The following DCAF6 variants were observed in gnomAD, a reference collection of about 807,000 sequenced individuals.
DCAF6 encodes the protein DDB1- and CUL4-associated factor 6.
Under a neutral mutation model 125.1 loss-of-function variants are expected in DCAF6, and 54 were observed. The ratio of observed to expected loss-of-function variants is 0.43; its 90% confidence interval spans 0.35 to 0.54. The LOEUF (loss-of-function observed/expected upper bound fraction) is 0.54. Among genes scored for constraint, DCAF6 ranks in the 20% least tolerant of loss-of-function variants. The pLI, the probability that DCAF6 is intolerant of heterozygous loss-of-function variation, is 0.01. For missense variants in DCAF6, 934 were observed against 1,161.7 expected, an observed-to-expected ratio of 0.80 and a Z score of 2.85; for synonymous variants, 371 against 390.4, an observed-to-expected ratio of 0.95 and a Z score of 0.58.
chr1:167,938,499 T>C (rs1472451232), intron 1 of DCAF6, among the ~76,000 whole-genome samples: 3 of 152,242 alleles, frequency 2.0e-5, no homozygotes, highest in Non-Finnish European at 2.9e-5. Context: ...TTCTACAAGC[T>C]TCTGTGCATT....
chr1:167,935,100 G>C (rs1671056416), upstream of DCAF6, among the ~76,000 whole-genome samples: 1 of 152,072 alleles, frequency 6.6e-6, no homozygotes. Flanking sequence ...AACTATAAGT[G>C]GTAGAAGAGA....
chr1:168,013,126 A>G (rs936667232), intron 10 of DCAF6, among the ~76,000 whole-genome samples: 6 of 152,180 alleles, frequency 3.9e-5, no homozygotes, highest in African/African-American at 4.8e-5. Context: ...AAGCATTACT[A>G]TTATGCTGAC....
chr1:167,879,588 C>T, the DCAF6 span, among the ~76,000 whole-genome samples: 3 of 152,222 alleles, frequency 2.0e-5, no homozygotes, highest in South Asian at 6.2e-4. Flanking sequence ...ACATCTCAGA[C>T]ATTGTATCAT....
intron 21 of DCAF6, among the ~76,000 whole-genome samples, chr1:168,070,026 G>A (rs1692831213): frequency 6.6e-6 from 1 of 152,052 alleles, no homozygotes; most frequent in Non-Finnish European, 1.5e-5. Flanking sequence ...TTTTCCTGCA[G>A]AAAATTAATT....
At chr1:168,038,318 A>G in intron 12 of DCAF6, 53 bp from the exon 13 acceptor site, 1 of 1,327,514 alleles carries the variant, frequency 7.5e-7, no homozygotes, top group Non-Finnish European at 1.1e-6. Context: ...AGGAAATGTC[A>G]TCTTTTTACT....
the DCAF6 span, among the ~76,000 whole-genome samples, chr1:167,907,133 T>A: frequency 1.3e-5 from 2 of 152,196 alleles, no homozygotes; most frequent in African/African-American, 4.8e-5. Context: ...CTGAAAGAAC[T>A]GACAGGTGTA....
chr1:167,878,709 C>G, the DCAF6 span: 1 of 1,452,506 alleles, frequency 6.9e-7, no homozygotes. Flanking sequence ...GAAACATTGT[C>G]CCCAAATAGC....
intron 12 of DCAF6, among the ~76,000 whole-genome samples, chr1:168,028,687 A>G (rs1337630945): frequency 6.6e-6 from 1 of 152,168 alleles, no homozygotes; most frequent in Non-Finnish European, 1.5e-5. Flanking sequence ...TACTAATTCT[A>G]CTAAGGTAGA....
the DCAF6 span, among the ~76,000 whole-genome samples, chr1:167,881,561 T>C: frequency 6.6e-5 from 10 of 152,358 alleles, 1 homozygote; most frequent in Admixed American, 2.0e-4. Flanking sequence ...TGCAAATTTA[T>C]GTAGCGGCCT....
In DCAF6 at chr1:167,972,275, T is replaced by G. The variant is rs563695084; in HGVS notation, c.253-2555T>G. ...GCTGTATAGATTTGGTTTCAACAATTAAAGAACAAATTCTAACCTTCATTG... is the reference window on the plus strand; with the variant it reads ...GCTGTATAGATTTGGTTTCAACAATGAAAGAACAAATTCTAACCTTCATTG... On this transcript the variant is annotated intron_variant, in intron 3 of 21. Coordinates refer to ENST00000367840, the MANE Select transcript of DCAF6 (RefSeq NM_001198956.2). Among the ~76,000 whole-genome samples the G allele has an allele frequency of 1.2e-4, 18 of 152,364 alleles. No individual in the cohort carries two copies. In the South Asian group the frequency reaches 3.7e-3, roughly 32 times the overall value.
At chr1:168,000,743 C>T (rs1439082386) in intron 7 of DCAF6, among the ~76,000 whole-genome samples, 2 of 151,822 alleles carry the variant, frequency 1.3e-5, no homozygotes, top group African/African-American at 2.4e-5. Context: ...AAACCAAACA[C>T]GAAAGGCCAT....
chr1:168,068,456 C>T lies in DCAF6; in HGVS notation c.2784C>T (p.Ile928=), dbSNP rs1692617997. The T allele has an allele frequency of 6.7e-7, 1 of 1,503,300 alleles. No individual in the cohort carries two copies. Among genetic ancestry groups the T allele is most frequent in the Non-Finnish European group, 8.9e-7 (1 of 1,121,134 alleles). The allele number at this position is 1,503,300 out of a possible 1,614,324, so 93.1% of individuals were successfully genotyped here. The part of the protein sequence containing the change: ...MLRMLASLNH[I]RADRLEGDRS... ...GGATGTTGGCTTCACTTAATCATAT[C>T]CGAGCTGGTAGGAACTTTAAGTATA... The change falls in exon 21 of 22, where the codon ATC becomes ATT. Residue 928 remains isoleucine (I), a synonymous_variant. Coordinates refer to ENST00000367840, the MANE Select transcript of DCAF6 (RefSeq NM_001198956.2).
the DCAF6 span, chr1:167,883,436 C>T: frequency 1.2e-6 from 2 of 1,614,200 alleles, no homozygotes; most frequent in South Asian, 2.2e-5. Context: ...TTCACACTTA[C>T]CTTGTCAAAC....
Position 168,052,710 on chromosome 1 carries a change from T to C in DCAF6, c.2300+1777T>C, listed in dbSNP as rs554218578. On this transcript the variant is annotated intron_variant, in intron 17 of 21. Coordinates refer to ENST00000367840, the MANE Select transcript of DCAF6 (RefSeq NM_001198956.2). ...TTACAATGGGGAATGTGTTCTACTA[T>C]AATCTGCTAAGATTCTGAATGATAG... Among the ~76,000 whole-genome samples, 9 of 152,240 alleles carry C rather than the reference T, an allele frequency of 5.9e-5. No individual in the cohort carries two copies. In the South Asian group the frequency reaches 1.0e-3, roughly 17 times the overall value.
In DCAF6 at chr1:168,038,371, A is replaced by G. The variant is rs1688101784; in HGVS notation, c.1610A>G (p.Asp537Gly). The stretch of plus-strand genomic sequence containing the variant: ...CAAATGTTTTAAACACAATTTTCAG[A>G]TAACAATAATGAAAAGCTGAGCCCC... Reference protein sequence around the residue: ...LGSMSLDEQQDNNNEKLSPKP... With the variant: ...LGSMSLDEQQGNNNEKLSPKP... The change falls in exon 13 of 22, where the codon GAT becomes GGT. Residue 537 changes from aspartate to glycine, a missense_variant and splice_region_variant. By Grantham distance (94) the Asp-to-Gly change is moderately conservative. Transcript: ENST00000367840. 6.2e-7 allele frequency: 1 copy of G among 1,603,084 alleles called. No homozygotes were observed. The highest frequency in any genetic ancestry group is 8.5e-7 in the Non-Finnish European group (1 of 1,174,830).
chr1:167,937,122 C>T lies in DCAF6; in HGVS notation c.97+114C>T, dbSNP rs1247619919. On this transcript the variant is annotated intron_variant, in intron 1 of 21. Transcript: ENST00000367840. The stretch of plus-strand genomic sequence containing the variant: ...GCGTCTCGGTGGGGGCGCCCGGAGA[C>T]TCTGGGGTGTTGGGTGGGGCCTTGG... 3.5e-6 allele frequency: 3 copies of T among 866,988 alleles called. No individual in the cohort carries two copies. In the Admixed American group the frequency reaches 7.0e-5, roughly 20 times the overall value. The allele number at this position is 866,988 out of a possible 1,614,324, so 53.7% of individuals were successfully genotyped here. A position where few individuals can be genotyped will look rare whatever the true frequency, so the allele number is the denominator to read the frequency against.
upstream of DCAF6, among the ~76,000 whole-genome samples, chr1:167,933,329 G>A (rs1393829928): frequency 4.6e-5 from 7 of 151,930 alleles, no homozygotes; most frequent in Non-Finnish European, 7.4e-5. Flanking sequence ...CACTACACCC[G>A]GCTAATTTTT....
chr1:167,933,306 T>G (rs951447895), upstream of DCAF6, among the ~76,000 whole-genome samples: 4 of 151,768 alleles, frequency 2.6e-5, no homozygotes, highest in Admixed American at 2.0e-4. Context: ...TAGCTGAGAT[T>G]ACTGGCACCC....
chr1:168,016,233 T>C (rs1280865296), intron 11 of DCAF6, among the ~76,000 whole-genome samples: 2 of 152,210 alleles, frequency 1.3e-5, no homozygotes, highest in East Asian at 3.8e-4. Context: ...ATGACCTCTT[T>C]TTGAATAATT....
Sources: allele counts gnomAD v4.1 joint callset (sites outside exome capture counted in the v4.1 genomes callset), GRCh38; gene constraint gnomAD v4.1.1; transcripts MANE v1.5; gene names NCBI Gene and HGNC (gene_info 2026-07-23, HGNC 2026-07-21).